The following DHRS3 variants were observed in gnomAD, a reference collection of about 807,000 sequenced individuals.
DHRS3 encodes short-chain dehydrogenase/reductase 3.
Under a neutral mutation model 27.2 loss-of-function variants are expected in DHRS3, and 14 were observed. The observed-to-expected ratio is 0.52, with a 90% CI of 0.34 to 0.81. The LOEUF is 0.81. Ranked by LOEUF, DHRS3 falls within the 30% of genes least tolerant of loss-of-function variation. DHRS3 has a pLI of 0.01. For synonymous variants in DHRS3, 165 were observed against 175.9 expected (o/e 0.94, Z 0.49); for missense variants, 322 against 406.2 (o/e 0.79, Z 1.78).
chr1:12,612,801 G>A (rs1646919145), intron 1 of DHRS3, among the ~76,000 whole-genome samples: 1 of 152,160 alleles, frequency 6.6e-6, no homozygotes, highest in Non-Finnish European at 1.5e-5. Flanking sequence ...GCTCACACCT[G>A]TAATCCGAGC....
chr1:12,617,106 C>T (rs1306308960), intron 1 of DHRS3, 48 bp downstream of exon 1: 2 of 1,566,762 alleles, frequency 1.3e-6, no homozygotes, highest in South Asian at 2.3e-5. Flanking sequence ...GGTGGGCTTA[C>T]CCCCGCCCCT....
chr1:12,578,654 G>T lies in DHRS3; in HGVS notation c.698+64C>A. The T allele has an allele frequency of 6.7e-7, 1 of 1,491,160 alleles. No homozygotes were observed. Among genetic ancestry groups the T allele is most frequent in the Non-Finnish European group, 9.3e-7 (1 of 1,072,032 alleles). 92.4% of individuals were successfully genotyped at this position (1,491,160 alleles called of 1,614,324 possible). A position where few individuals can be genotyped will look rare whatever the true frequency, so the allele number is the denominator to read the frequency against. The stretch of plus-strand genomic sequence containing the variant: ...ATCAGAGCTCTTTCTGCAGTTGGCT[G>T]ACTGAATGGCTTGGGGAGGCAGGTG... On this transcript the variant is annotated intron_variant, in intron 4 of 5. Coordinates refer to ENST00000616661, the MANE Select transcript of DHRS3 (RefSeq NM_004753.7). The surrounding 1 kb of genome is among the most constrained non-coding windows in gnomAD (Gnocchi z 4.5).
intron 5 of DHRS3, among the ~76,000 whole-genome samples, chr1:12,571,953 T>C (rs1405166443): frequency 6.6e-6 from 1 of 152,212 alleles, no homozygotes; most frequent in Non-Finnish European, 1.5e-5. Flanking sequence ...TGAAATCAGA[T>C]GCACATATAA....
rs913797953 is a variant in DHRS3, at chr1:12,574,011, T to C, written c.699-1158A>G. Among the ~76,000 whole-genome samples, 1 of 152,116 alleles carries C rather than the reference T, an allele frequency of 6.6e-6. No homozygotes were observed. The highest frequency in any genetic ancestry group is 1.5e-5 in the Non-Finnish European group (1 of 68,016). ...ATCCCACAAAGAGCTTGTGATCCGC[T>C]CTGGCACCAGGAAGATTAAGGGTGA... On this transcript the variant is annotated intron_variant, in intron 4 of 5. Coordinates refer to ENST00000616661, the MANE Select transcript of DHRS3 (RefSeq NM_004753.7). The surrounding 1 kb of genome is among the most constrained non-coding windows in gnomAD (Gnocchi z 4.6).
intron 1 of DHRS3, among the ~76,000 whole-genome samples, chr1:12,597,920 G>T (rs1231180044): frequency 1.3e-5 from 2 of 152,136 alleles, no homozygotes; most frequent in African/African-American, 4.8e-5. Flanking sequence ...CACCCAGGAA[G>T]CCAGCCCCAG....
intron 1 of DHRS3, among the ~76,000 whole-genome samples, chr1:12,613,017 G>A (rs1043589533): frequency 5.3e-5 from 8 of 151,464 alleles, no homozygotes; most frequent in Admixed American, 2.6e-4. Context: ...CCAAGATCAC[G>A]CCATTGCACT....
intron 1 of DHRS3, among the ~76,000 whole-genome samples, chr1:12,587,688 C>CAG (rs1646709436): frequency 6.6e-6 from 1 of 151,784 alleles, no homozygotes; most frequent in Middle Eastern, 3.2e-3. Context: ...GCCTGGATGA[C>CAG]AGAGAGAGAG....
rs1426966941 is a variant in DHRS3 at position 12,593,121 on chromosome 1, C to A, written c.196-12455G>T. 6.6e-6 allele frequency among the ~76,000 whole-genome samples: 1 copy of A among 152,188 alleles called. No homozygotes were observed. Among genetic ancestry groups the A allele is most frequent in the African/African-American group, 2.4e-5 (1 of 41,442 alleles). On this transcript the variant is annotated intron_variant, in intron 1 of 5. Coordinates refer to ENST00000616661, the MANE Select transcript of DHRS3 (RefSeq NM_004753.7). The surrounding 1 kb of genome is among the most constrained non-coding windows in gnomAD (Gnocchi z 4.6). The stretch of plus-strand genomic sequence containing the variant: ...AGAGATCCTTCTAGAATGTGTCAGA[C>A]CACATCACCCTGCTTATGACTACTG...
At chr1:12,605,078 CAAAAAAA>C (rs36031555) in intron 1 of DHRS3, among the ~76,000 whole-genome samples, 2 of 98,420 alleles carry the variant, frequency 2.0e-5, no homozygotes, top group Non-Finnish European at 3.9e-5. Flanking sequence ...AACTCCATCT[CAAAAAAA>C]AAAAAAAAAA....
At chr1:12,576,721 C>G (rs1027714312) in intron 4 of DHRS3, among the ~76,000 whole-genome samples, 29 of 151,648 alleles carry the variant, frequency 1.9e-4, no homozygotes, top group Non-Finnish European at 3.8e-4. Flanking sequence ...AGTCTAGACT[C>G]CTCGAAATTC....
rs1168046411 is a variant in DHRS3 at position 12,591,292 on chromosome 1, G to A, written c.196-10626C>T. Among the ~76,000 whole-genome samples the A allele has an allele frequency of 3.9e-5, 6 of 152,236 alleles. No individual in the cohort carries two copies. Among genetic ancestry groups the A allele is most frequent in the African/African-American group, 1.2e-4 (5 of 41,458 alleles). On this transcript the variant is annotated intron_variant, in intron 1 of 5. Coordinates refer to ENST00000616661, the MANE Select transcript of DHRS3 (RefSeq NM_004753.7). This position sits in a 1 kb window ranked among gnomAD's most constrained non-coding sequence, Gnocchi z 4.1. ...GGCTAGGTCCTTATGTGTCCTTCCT[G>A]TTCCTGCACTGCTGGGCTGCTGAAG...
At chr1:12,579,205 C>A (rs1266974365) in intron 3 of DHRS3, 88 bp downstream of exon 3, 8 of 1,604,094 alleles carry the variant, frequency 5.0e-6, no homozygotes, top group Non-Finnish European at 6.8e-6. Flanking sequence ...TGGCCTGAGC[C>A]CAAGCCCTGG....
At chr1:12,603,983 GT>G (rs1646853357) in intron 1 of DHRS3, among the ~76,000 whole-genome samples, 1 of 152,210 alleles carries the variant, frequency 6.6e-6, no homozygotes, top group Admixed American at 6.5e-5. Context: ...ACTTGGATGG[GT>G]TTTGATTGTA....
intron 5 of DHRS3, among the ~76,000 whole-genome samples, chr1:12,569,102 C>A (rs1302268938): frequency 6.6e-6 from 1 of 151,890 alleles, no homozygotes; most frequent in African/African-American, 2.4e-5. Context: ...CCTGTAATCC[C>A]AGCTACTCGG....
chr1:12,595,365 AG>A (rs971537266), intron 1 of DHRS3, among the ~76,000 whole-genome samples: 68 of 142,654 alleles, frequency 4.8e-4, no homozygotes, highest in African/African-American at 1.6e-3. Flanking sequence ...AGGAGGCTCC[AG>A]GAAGTCTTTC....
chr1:12,610,957 G>T (rs72644504), intron 1 of DHRS3, among the ~76,000 whole-genome samples: 9,516 of 152,206 alleles, frequency 0.063, 375 homozygotes, highest in Middle Eastern at 0.12. Flanking sequence ...GTAGGATATC[G>T]CTGGTAGTGG....
At position 12,611,616 on chromosome 1, in the gene DHRS3, T is replaced by C. The variant is rs573393592; in HGVS notation, c.195+5538A>G. Reference sequence around the variant, plus strand: ...GATGGGGACAAATGCTTTCTTCACCTGGAAGTCTCCTGCTTGCAATTCAGG... The same window carrying C: ...GATGGGGACAAATGCTTTCTTCACCCGGAAGTCTCCTGCTTGCAATTCAGG... On this transcript the variant is annotated intron_variant, in intron 1 of 5. Coordinates refer to ENST00000616661, the MANE Select transcript of DHRS3 (RefSeq NM_004753.7). Among the ~76,000 whole-genome samples the C allele has an allele frequency of 9.9e-5, 15 of 152,242 alleles. No individual in the cohort carries two copies. The South Asian group carries it at 2.7e-3, about 27-fold the overall frequency.
chr1:12,568,383 G>A lies in DHRS3; in HGVS notation c.866C>T (p.Ser289Leu). 1.9e-6 allele frequency: 3 copies of A among 1,614,004 alleles called. No homozygotes were observed. Among genetic ancestry groups the A allele is most frequent in the Non-Finnish European group, 2.5e-6 (3 of 1,179,856 alleles). The change falls in exon 6 of 6, where the codon TCA (serine) becomes TTA (leucine). Residue 289 changes from serine to leucine, a missense_variant. Physicochemically the swap from Ser to Leu is moderately radical, Grantham distance 145. Coordinates refer to ENST00000616661, the MANE Select transcript of DHRS3 (RefSeq NM_004753.7). The stretch of plus-strand genomic sequence containing the variant: ...AGTGTTCATGCAGGTGTAGGTTCCT[G>A]AGAATTTGTGGATCTCCTCGAGTGC... ...QAALEEIHKF[S>L]GTYTCMNTFK...
At chr1:12,572,622 C>A (rs552867095) in intron 5 of DHRS3, 106 bp downstream of exon 5, 3 of 1,512,788 alleles carry the variant, frequency 2.0e-6, no homozygotes, top group African/African-American at 1.4e-5. Context: ...AGTACATCAG[C>A]AGCAAATGTG....
Sources: allele counts gnomAD v4.1 joint callset (sites outside exome capture counted in the v4.1 genomes callset), GRCh38; gene constraint gnomAD v4.1.1; non-coding constraint Gnocchi (gnomAD v3.1); transcripts MANE v1.5; gene names NCBI Gene and HGNC (gene_info 2026-07-23, HGNC 2026-07-21).